REL: variants seen among roughly 807,000 people sequenced by gnomAD.
REL encodes the protein REL proto-oncogene, NF-kB subunit, also known as proto-oncogene c-Rel.
Under a neutral mutation model 45.9 loss-of-function variants are expected in REL, and 15 were observed. The ratio of observed to expected loss-of-function variants is 0.33; its 90% confidence interval spans 0.22 to 0.50. The LOEUF is 0.50. Among genes scored for constraint, REL ranks in the 20% least tolerant of loss-of-function variants. The pLI, the probability that REL is intolerant of heterozygous loss-of-function variation, is 0.98. For synonymous variants in REL, 239 were observed against 242.1 expected (o/e 0.99, Z 0.12); for missense variants, 601 against 715.2 (o/e 0.84, Z 1.82).
rs1674198517 is a variant in REL, at chr2:60,923,472, C to G, written c.*937C>G. ...TCTCATAAAACTGCCTATTTGACAT[C>G]TCTATCTAGAAATCTAATTAAAGCT... On this transcript the variant is annotated 3_prime_UTR_variant, in exon 10 of 10. Transcript: ENST00000394479. The G allele has an allele frequency of 4.3e-6, 1 of 232,370 alleles. No individual in the cohort carries two copies. Among genetic ancestry groups the G allele is most frequent in the East Asian group, 6.1e-5 (1 of 16,468 alleles). 14.4% of individuals were successfully genotyped at this position (232,370 alleles called of 1,614,324 possible).
chr2:60,921,240 A>G (rs752304833), intron 9 of REL, among the ~76,000 whole-genome samples: 36 of 152,144 alleles, frequency 2.4e-4, no homozygotes, highest in Admixed American at 5.2e-4. Context: ...GTAAATAGAT[A>G]CAGAATTAAT....
intron 4 of REL, among the ~76,000 whole-genome samples, chr2:60,903,403 T>A (rs1673551785): frequency 6.6e-6 from 1 of 152,168 alleles, no homozygotes; most frequent in Non-Finnish European, 1.5e-5. Flanking sequence ...TCAGGCTTGT[T>A]TTTTGAGATG....
At chr2:60,913,668 T>G (rs1233769470) in intron 4 of REL, among the ~76,000 whole-genome samples, 1 of 152,202 alleles carries the variant, frequency 6.6e-6, no homozygotes, top group Non-Finnish European at 1.5e-5. Flanking sequence ...CTTAGAAAAT[T>G]GTCAGGCTAT....
At chr2:60,916,726 G>A (rs1673971161) in intron 4 of REL, 151 bp from the exon 5 acceptor site, 1 of 476,580 alleles carries the variant, frequency 2.1e-6, no homozygotes, top group Non-Finnish European at 3.7e-6. Context: ...ATGATAAAAG[G>A]CATTCTTGAG....
chr2:60,918,718 C>A, intron 7 of REL, 112 bp downstream of exon 7: 2 of 749,312 alleles, frequency 2.7e-6, no homozygotes, highest in Non-Finnish European at 4.4e-6. Flanking sequence ...ATTTATGTTT[C>A]TTTTCCTGGA....
intron 1 of REL, among the ~76,000 whole-genome samples, chr2:60,886,231 G>A (rs1573310210): frequency 6.6e-6 from 1 of 152,168 alleles, no homozygotes; most frequent in South Asian, 2.1e-4. Flanking sequence ...CTCAAGTGGG[G>A]TAAGGACATG....
chr2:60,920,291 C>T (rs753360439), intron 8 of REL, 182 bp downstream of exon 8: 94 of 622,590 alleles, frequency 1.5e-4, no homozygotes, highest in South Asian at 2.3e-4. Context: ...AACCTCTGCC[C>T]CCCAGGTTCA....
In REL at chr2:60,929,562, A is replaced by G. The variant is rs944312489; in HGVS notation, c.*7027A>G. The G allele has an allele frequency of 4.0e-5, 6 of 151,616 alleles. No homozygotes were observed. Among genetic ancestry groups the G allele is most frequent in the African/African-American group, 1.2e-4 (5 of 41,308 alleles). 9.4% of individuals were successfully genotyped at this position (151,616 alleles called of 1,614,324 possible). A position where few individuals can be genotyped will look rare whatever the true frequency, so the allele number is the denominator to read the frequency against. Reference sequence around the variant, plus strand: ...TGGAAAACATCATTCTCAGTAAACTATCGCAAGAACAAGAAACCAAACACC... The same window carrying G: ...TGGAAAACATCATTCTCAGTAAACTGTCGCAAGAACAAGAAACCAAACACC... On this transcript the variant is annotated 3_prime_UTR_variant, in exon 10 of 10. Transcript: ENST00000394479.
chr2:60,920,144 G>C, intron 8 of REL, 35 bp downstream of exon 8: 1 of 1,406,872 alleles, frequency 7.1e-7, no homozygotes, highest in Non-Finnish European at 9.9e-7. Flanking sequence ...TATTTAAATA[G>C]GTTTTGTTTT....
chr2:60,914,835 G>GTTT (rs34572751), intron 4 of REL, among the ~76,000 whole-genome samples: 16 of 131,168 alleles, frequency 1.2e-4, no homozygotes, highest in South Asian at 2.4e-4. Flanking sequence ...TTGTTTTTTT[G>GTTT]TTTTTTTTTT....
intron 3 of REL, among the ~76,000 whole-genome samples, chr2:60,897,863 T>TA (rs11300349): frequency 2.7e-3 from 368 of 136,290 alleles, no homozygotes; most frequent in East Asian, 8.0e-3. Flanking sequence ...TGTATCTCTT[T>TA]AAAAAAAAAA....
intron 4 of REL, among the ~76,000 whole-genome samples, chr2:60,907,098 T>C (rs1398143096): frequency 6.6e-6 from 1 of 151,118 alleles, no homozygotes; most frequent in Non-Finnish European, 1.5e-5. Context: ...TTTTTTTGTA[T>C]TTTTAGTAGA....
At chr2:60,884,205 G>A (rs1673016943) in intron 1 of REL, among the ~76,000 whole-genome samples, 1 of 151,500 alleles carries the variant, frequency 6.6e-6, no homozygotes, top group Non-Finnish European at 1.5e-5. Context: ...TATTCATTAC[G>A]AAGTATTTAA....
In REL at chr2:60,927,833, C is replaced by T. The variant is rs1297335174; in HGVS notation, c.*5298C>T. ...TGTCACCACCATGTTTAGGACATTT[C>T]CAGCACCCCTGAAATTTCCTTCATG... On this transcript the variant is annotated 3_prime_UTR_variant, in exon 10 of 10. Transcript: ENST00000394479. 1 of 227,432 alleles carries T rather than the reference C, an allele frequency of 4.4e-6. No individual in the cohort carries two copies. The highest frequency in any genetic ancestry group is 8.7e-6 in the Non-Finnish European group (1 of 114,424). The allele number at this position is 227,432 out of a possible 1,614,324, so 14.1% of individuals were successfully genotyped here.
At chr2:60,913,568 T>C (rs750303089) in intron 4 of REL, among the ~76,000 whole-genome samples, 1 of 152,198 alleles carries the variant, frequency 6.6e-6, no homozygotes, top group Non-Finnish European at 1.5e-5. Context: ...CTTGGGTATT[T>C]ATCAGATCCC....
intron 1 of REL, among the ~76,000 whole-genome samples, chr2:60,887,265 G>A (rs1276272982): frequency 6.6e-6 from 1 of 152,092 alleles, no homozygotes; most frequent in African/African-American, 2.4e-5. Flanking sequence ...ATCAAAATAG[G>A]AATGAGTATG....
At chr2:60,921,133 C>G (rs1674130091) in intron 9 of REL, among the ~76,000 whole-genome samples, 1 of 134,284 alleles carries the variant, frequency 7.4e-6, no homozygotes, top group Admixed American at 7.4e-5. Context: ...TTAGGTAATT[C>G]AACCGAGGGC....
At position 60,881,641 on chromosome 2, in the gene REL, C is replaced by T; in HGVS notation, c.-200C>T. The T allele has an allele frequency of 1.9e-6, 1 of 523,234 alleles. No individual in the cohort carries two copies. The highest frequency in any genetic ancestry group is 3.7e-5 in the Admixed American group (1 of 26,814). The allele number at this position is 523,234 out of a possible 1,614,324, so 32.4% of individuals were successfully genotyped here. On this transcript the variant is annotated 5_prime_UTR_variant, in exon 1 of 10. Transcript: ENST00000394479. ...CGGTGGACGGCGACGCTGGGTGACC[C>T]GGGGTGCAAGAATTCAGGGGTTGGG...
intron 5 of REL, among the ~76,000 whole-genome samples, chr2:60,917,682 G>C (rs1674014966): frequency 2.2e-5 from 1 of 44,474 alleles, no homozygotes; most frequent in Non-Finnish European, 9.8e-5. Context: ...CCAAAATACT[G>C]TGTGTGTGTG....
Sources: allele counts gnomAD v4.1 joint callset (sites outside exome capture counted in the v4.1 genomes callset), GRCh38; gene constraint gnomAD v4.1.1; transcripts MANE v1.5; gene names NCBI Gene and HGNC (gene_info 2026-07-23, HGNC 2026-07-21).